Variants in NRXN3 observed in about 807,000 individuals in gnomAD.
NRXN3 encodes the protein neurexin III.
Under a neutral mutation model 137.6 loss-of-function variants are expected in NRXN3, and 32 were observed. The ratio of observed to expected loss-of-function variants is 0.23; its 90% CI spans 0.18 to 0.31. NRXN3 has a LOEUF of 0.31. Ranked by LOEUF, NRXN3 falls within the 10% of genes least tolerant of loss-of-function variation. The probability of loss-of-function intolerance (pLI) is 1.00; values close to 1 mark genes in which losing one functional copy is unlikely to be tolerated. For missense variants in NRXN3, 1,574 were observed against 2,062.5 expected (o/e 0.76, Z 4.59); for synonymous variants, 798 against 784.5 (o/e 1.02, Z -0.29).
chr14:78,265,322 C>T (rs2071518718), intron 2 of NRXN3, among the ~76,000 whole-genome samples: 1 of 151,844 alleles, frequency 6.6e-6, no homozygotes, highest in Non-Finnish European at 1.5e-5. Flanking sequence ...GTTAAGTTAC[C>T]CAAAACCAGT....
chr14:78,628,566 G>A (rs566741563), intron 4 of NRXN3, among the ~76,000 whole-genome samples: 1 of 152,312 alleles, frequency 6.6e-6, no homozygotes, highest in East Asian at 1.9e-4. Flanking sequence ...GTAACTTAAA[G>A]CCTTCAAGTA....
chr14:79,415,856 C>T (rs1000681764), intron 15 of NRXN3, among the ~76,000 whole-genome samples: 3 of 152,124 alleles, frequency 2.0e-5, no homozygotes, highest in African/African-American at 7.2e-5. Context: ...GAACTTATTA[C>T]AAATGCAGAA....
chr14:78,784,983 C>T (rs1181371988), intron 8 of NRXN3, among the ~76,000 whole-genome samples: 1 of 152,080 alleles, frequency 6.6e-6, no homozygotes, highest in Non-Finnish European at 1.5e-5. Context: ...ACCAGGGGCT[C>T]AGATCATATG....
At chr14:78,239,377 G>T (rs1215267172) in intron 1 of NRXN3, among the ~76,000 whole-genome samples, 1 of 152,210 alleles carries the variant, frequency 6.6e-6, no homozygotes, top group Non-Finnish European at 1.5e-5. Flanking sequence ...TGCCTGGAAT[G>T]AATTGGAGCT....
chr14:78,235,040 G>GTGTATATATATATA (rs1555418753), intron 1 of NRXN3, among the ~76,000 whole-genome samples: 2 of 103,808 alleles, frequency 1.9e-5, no homozygotes, highest in African/African-American at 6.4e-5. Context: ...ATATATATGT[G>GTGTATATATATATA]TGTGTGTGTG....
chr14:78,675,455 T>C (rs1334112323), intron 6 of NRXN3, among the ~76,000 whole-genome samples: 1 of 152,174 alleles, frequency 6.6e-6, no homozygotes, highest in Non-Finnish European at 1.5e-5. Flanking sequence ...ACTGGTCCAG[T>C]GCATTTCTGT....
intron 15 of NRXN3, among the ~76,000 whole-genome samples, chr14:79,168,355 T>A (rs1249104509): frequency 2.6e-5 from 4 of 152,066 alleles, no homozygotes; most frequent in Admixed American, 6.6e-5. Context: ...ATAGTTGATA[T>A]TCACATATTA....
At position 78,484,027 on chromosome 14, in the gene NRXN3, CAGAG is replaced by C. The variant is rs144035954; in HGVS notation, c.758-161074_758-161071del. Among the ~76,000 whole-genome samples, 906 of 136,992 alleles carry C rather than the reference CAGAG, an allele frequency of 6.6e-3. 10 individuals carry two copies. Among genetic ancestry groups the C allele is most frequent in the East Asian group, 0.025 (111 of 4,476 alleles). The allele number at this position is 136,992 out of a possible 152,430, so 89.9% of individuals were successfully genotyped here. On this transcript the variant is annotated intron_variant, in intron 4 of 20. Coordinates refer to ENST00000335750, the MANE Select transcript of NRXN3 (RefSeq NM_001330195.2). ...ACACACACACACACACACACACACA[CAGAG>C]AGAGAGAGAGAGAGAGAGCAAAAAA... is the stretch of plus-strand genomic sequence containing the variant.
intron 8 of NRXN3, among the ~76,000 whole-genome samples, chr14:78,783,519 G>A (rs989400806): frequency 6.6e-6 from 1 of 151,992 alleles, no homozygotes; most frequent in Non-Finnish European, 1.5e-5. Context: ...AAGGCCTGAA[G>A]TTTAAAATAT....
intron 20 of NRXN3, among the ~76,000 whole-genome samples, chr14:79,858,803 C>A (rs1045777177): frequency 6.6e-6 from 1 of 152,084 alleles, no homozygotes; most frequent in Non-Finnish European, 1.5e-5. Context: ...CTTAAATCTA[C>A]CACTTGGGAC....
chr14:78,879,744 C>G (rs1321357072), intron 10 of NRXN3, among the ~76,000 whole-genome samples: 3 of 152,170 alleles, frequency 2.0e-5, no homozygotes, highest in African/African-American at 7.2e-5. Context: ...TTTACAAACT[C>G]TATACTTCTA....
intron 15 of NRXN3, among the ~76,000 whole-genome samples, chr14:79,002,652 T>C (rs1319486541): frequency 6.6e-6 from 1 of 152,210 alleles, no homozygotes; most frequent in African/African-American, 2.4e-5. Context: ...CTGTATTTGC[T>C]AATGTGAATA....
At chr14:78,937,188 A>G (rs1193821557) in intron 10 of NRXN3, among the ~76,000 whole-genome samples, 1 of 95,822 alleles carries the variant, frequency 1.0e-5, no homozygotes, top group Non-Finnish European at 1.9e-5. Context: ...TGCCATTGAA[A>G]AAAAAAAAAA....
chr14:78,724,896 A>T (rs2098476166), intron 8 of NRXN3, among the ~76,000 whole-genome samples: 1 of 152,196 alleles, frequency 6.6e-6, no homozygotes, highest in Non-Finnish European at 1.5e-5. Flanking sequence ...GTACATCTGG[A>T]ACTTGAGGCT....
chr14:78,362,616 T>A (rs892000863), intron 4 of NRXN3, among the ~76,000 whole-genome samples: 9 of 152,294 alleles, frequency 5.9e-5, no homozygotes, highest in African/African-American at 1.4e-4. Context: ...GATATATCAA[T>A]AATTATTAAC....
At chr14:78,287,592 G>A (rs2075314198) in intron 3 of NRXN3, among the ~76,000 whole-genome samples, 1 of 152,198 alleles carries the variant, frequency 6.6e-6, no homozygotes, top group African/African-American at 2.4e-5. Context: ...TCAGAGATGA[G>A]CAACTCATTG....
At chr14:78,345,505 G>A (rs574860244) in intron 4 of NRXN3, among the ~76,000 whole-genome samples, 7 of 152,272 alleles carry the variant, frequency 4.6e-5, no homozygotes, top group Non-Finnish European at 8.8e-5. Flanking sequence ...GCAGAAAAGA[G>A]CATTTTCCTA....
intron 16 of NRXN3, among the ~76,000 whole-genome samples, chr14:79,599,868 G>C (rs1465372980): frequency 6.6e-6 from 1 of 152,164 alleles, no homozygotes; most frequent in Non-Finnish European, 1.5e-5. Context: ...GGTGGTACAC[G>C]CCTGTAATCC....
Position 79,864,010 on chromosome 14 carries a change from TG to T in NRXN3, c.*2047del, listed in dbSNP as rs1383542059. ...CAATGTGTTAAGAGTTTAATTTTTTTGTTATCATTAAAAAAGACAGGATTAT... is the reference window on the plus strand; with the variant it reads ...CAATGTGTTAAGAGTTTAATTTTTTTTTATCATTAAAAAAGACAGGATTAT... On this transcript the variant is annotated 3_prime_UTR_variant, in exon 21 of 21. Transcript: ENST00000335750. 3 of 152,522 alleles carry T rather than the reference TG, an allele frequency of 2.0e-5. No homozygotes were observed. Among genetic ancestry groups the T allele is most frequent in the Non-Finnish European group, 4.4e-5 (3 of 68,028 alleles). 9.4% of individuals were successfully genotyped at this position (152,522 alleles called of 1,614,324 possible). A position where few individuals can be genotyped will look rare whatever the true frequency, so the allele number is the denominator to read the frequency against.
Sources: gnomAD v4.1 joint callset for allele counts (sites outside exome capture counted in the v4.1 genomes callset) on GRCh38, gnomAD v4.1.1 for gene constraint, MANE v1.5 for transcripts, NCBI Gene and HGNC (gene_info 2026-07-23, HGNC 2026-07-21) for gene names.